The following RIT2 variants were observed in gnomAD, a reference collection of about 807,000 sequenced individuals.
RIT2 encodes Ras like without CAAX 2.
Under a neutral mutation model 23.7 loss-of-function variants are expected in RIT2, and 24 were observed. The observed-to-expected ratio is 1.01, with a 90% CI of 0.73 to 1.43. The LOEUF (loss-of-function observed/expected upper bound fraction) is 1.43, where lower values mean the gene tolerates loss of function less well. Ranked by LOEUF, RIT2 falls within the 40% of genes most tolerant of loss-of-function variation. The pLI is 0.00. For synonymous variants in RIT2, 107 were observed against 91.1 expected, an observed-to-expected ratio of 1.17 and a Z score of -0.99; for missense variants, 236 against 266.9, an observed-to-expected ratio of 0.88 and a Z score of 0.81.
At chr18:42,773,771 A>G (rs937899588) in intron 4 of RIT2, among the ~76,000 whole-genome samples, 39 of 152,216 alleles carry the variant, frequency 2.6e-4, no homozygotes, top group African/African-American at 9.4e-4. Flanking sequence ...AGTTGAAGAA[A>G]GGATCCTCAG....
intron 4 of RIT2, among the ~76,000 whole-genome samples, chr18:42,821,815 G>C (rs1906160618): frequency 6.6e-6 from 1 of 152,026 alleles, no homozygotes; most frequent in African/African-American, 2.4e-5. Flanking sequence ...TGATACAAAA[G>C]CATATAAAAA....
At chr18:43,052,038 G>A (rs536730723) in intron 1 of RIT2, among the ~76,000 whole-genome samples, 3 of 152,000 alleles carry the variant, frequency 2.0e-5, no homozygotes, top group African/African-American at 4.8e-5. Flanking sequence ...TTTACAAGAC[G>A]TGCCAGACAA....
intron 2 of RIT2, among the ~76,000 whole-genome samples, chr18:43,006,534 CTT>C (rs1231589520): frequency 1.3e-5 from 2 of 151,378 alleles, no homozygotes; most frequent in African/African-American, 4.8e-5. Context: ...GTTATAAAAA[CTT>C]AGGAAAGAAT....
At chr18:43,009,648 A>C (rs924011778) in intron 2 of RIT2, among the ~76,000 whole-genome samples, 1 of 151,654 alleles carries the variant, frequency 6.6e-6, no homozygotes, top group Non-Finnish European at 1.5e-5. Context: ...GCTTTTCTGC[A>C]TCATTGGATG....
intron 4 of RIT2, among the ~76,000 whole-genome samples, chr18:42,910,151 C>G (rs1005497603): frequency 1.3e-5 from 2 of 152,042 alleles, no homozygotes; most frequent in Non-Finnish European, 2.9e-5. Context: ...AAGTTATCCA[C>G]AGTTAGGCCA....
intron 2 of RIT2, among the ~76,000 whole-genome samples, chr18:43,003,465 A>T (rs1178535895): frequency 6.6e-6 from 1 of 151,926 alleles, no homozygotes; most frequent in Admixed American, 6.6e-5. Flanking sequence ...TCCCTTCAGA[A>T]GAAAGCCTCT....
chr18:42,860,177 G>A (rs1598687359), intron 4 of RIT2, among the ~76,000 whole-genome samples: 1 of 152,174 alleles, frequency 6.6e-6, no homozygotes, highest in South Asian at 2.1e-4. Context: ...GAAATTTCAT[G>A]TGAGTCATGC....
chr18:42,897,291 G>T (rs572664188), intron 4 of RIT2, among the ~76,000 whole-genome samples: 2 of 152,156 alleles, frequency 1.3e-5, no homozygotes, highest in East Asian at 1.9e-4. Context: ...ATCTGATGGC[G>T]CTGGGGAGTG....
At chr18:42,923,378 A>C in intron 4 of RIT2, 194 bp downstream of exon 4, 1 of 602,288 alleles carries the variant, frequency 1.7e-6, no homozygotes, top group Non-Finnish European at 2.9e-6. Context: ...GGCACTCTGC[A>C]AAATAGCATA....
chr18:42,962,186 G>A (rs927818551), intron 3 of RIT2, among the ~76,000 whole-genome samples: 4 of 152,118 alleles, frequency 2.6e-5, no homozygotes, highest in Admixed American at 1.3e-4. Context: ...GATTTCCTGC[G>A]ATAGCAATTT....
intron 4 of RIT2, among the ~76,000 whole-genome samples, chr18:42,835,265 G>T (rs767369512): frequency 9.2e-5 from 14 of 151,914 alleles, no homozygotes; most frequent in Non-Finnish European, 1.6e-4. Flanking sequence ...GTGTAGCTAT[G>T]TAAGACAACA....
At chr18:43,110,228 T>C (rs1913921456) in intron 1 of RIT2, among the ~76,000 whole-genome samples, 1 of 149,820 alleles carries the variant, frequency 6.7e-6, no homozygotes, top group Non-Finnish European at 1.5e-5. Context: ...TATACGAATA[T>C]TTCCTTAACT....
chr18:42,906,316 C>T (rs892512372), intron 4 of RIT2, among the ~76,000 whole-genome samples: 2 of 152,010 alleles, frequency 1.3e-5, no homozygotes, highest in Non-Finnish European at 1.5e-5. Context: ...ATCTGTCTCT[C>T]ACAGTGTCTC....
At chr18:42,793,357 A>AT (rs1256044210) in intron 4 of RIT2, among the ~76,000 whole-genome samples, 3 of 152,178 alleles carry the variant, frequency 2.0e-5, no homozygotes, top group Non-Finnish European at 4.4e-5. Context: ...GTACACAGGC[A>AT]TTTTTAATCA....
chr18:43,049,972 CTTTTTTTTTTTTTTTT>C (rs755291383), intron 1 of RIT2, among the ~76,000 whole-genome samples: 2 of 66,014 alleles, frequency 3.0e-5, no homozygotes, highest in African/African-American at 6.5e-5. Context: ...AAGGGATTTC[CTTTTTTTTTTTTTTTT>C]TTTTTTTTTT....
At chr18:42,848,236 G>A (rs1906960251) in intron 4 of RIT2, among the ~76,000 whole-genome samples, 1 of 152,136 alleles carries the variant, frequency 6.6e-6, no homozygotes, top group Non-Finnish European at 1.5e-5. Context: ...GGCTGAGACT[G>A]TAATTGGGTT....
rs543668258 is a variant in RIT2, at chr18:42,866,490, A to C, written c.426+57082T>G. Among the ~76,000 whole-genome samples the C allele has an allele frequency of 5.3e-5, 8 of 152,190 alleles. No homozygotes were observed. The South Asian group carries it at 1.2e-3, about 24-fold the overall frequency. ...CCAAGCTCTGATAACTCTCTGATCTATCTCTCCCCAAATCAGGCATCTATT... is the reference window on the plus strand; with the variant it reads ...CCAAGCTCTGATAACTCTCTGATCTCTCTCTCCCCAAATCAGGCATCTATT... On this transcript the variant is annotated intron_variant, in intron 4 of 4. Coordinates refer to ENST00000326695, the MANE Select transcript of RIT2 (RefSeq NM_002930.4).
At position 43,033,831 on chromosome 18, in the gene RIT2, T is replaced by A; in HGVS notation, c.140A>T (p.Asp47Val). Residue 47 changes from aspartate (D) to valine (V), a missense_variant, in exon 2 of 5, where the codon GAT becomes GTT. Coordinates refer to ENST00000326695, the MANE Select transcript of RIT2 (RefSeq NM_002930.4). Reference protein sequence around the residue: ...TMQFISHQFPDYHDPTIEDAY... With the variant: ...TMQFISHQFPVYHDPTIEDAY... ...CTTACCTATAGTAGGGTCATGATAA[T>A]CAGGGAACTGATGACTAATAAACTG... 3 of 1,609,576 alleles carry A rather than the reference T, an allele frequency of 1.9e-6. No individual in the cohort carries two copies. The highest frequency in any genetic ancestry group is 1.7e-6 in the Non-Finnish European group (2 of 1,176,548).
chr18:42,843,448 A>C (rs1421902993), intron 4 of RIT2, among the ~76,000 whole-genome samples: 3 of 152,226 alleles, frequency 2.0e-5, no homozygotes, highest in African/African-American at 7.2e-5. Context: ...ATACATACTT[A>C]TAAAACTCTT....
Sources: allele counts gnomAD v4.1 joint callset (sites outside exome capture counted in the v4.1 genomes callset), GRCh38; gene constraint gnomAD v4.1.1; transcripts MANE v1.5; gene names NCBI Gene and HGNC (gene_info 2026-07-23, HGNC 2026-07-21).